The following OCIAD1 variants were observed in gnomAD, a reference collection of about 807,000 sequenced individuals.
OCIAD1 encodes OCIA domain containing 1.
In OCIAD1, 29 loss-of-function variants were observed where a neutral mutation model predicts 38.9. The observed-to-expected ratio is 0.74, with a 90% CI of 0.55 to 1.02. The LOEUF (loss-of-function observed/expected upper bound fraction) is 1.02. Ranked by LOEUF, OCIAD1 falls within the 50% of genes least tolerant of loss-of-function variation. OCIAD1 has a pLI of 0.00. For synonymous variants in OCIAD1, 110 were observed against 92.0 expected, an observed-to-expected ratio of 1.20 and a Z score of -1.12; for missense variants, 288 against 289.6, an observed-to-expected ratio of 0.99 and a Z score of 0.04.
chr4:48,834,279 C>T (rs1189478000), intron 3 of OCIAD1, among the ~76,000 whole-genome samples: 4 of 152,168 alleles, frequency 2.6e-5, no homozygotes, highest in Non-Finnish European at 5.9e-5. Context: ...TCAAGCGATT[C>T]TCCTGCCTCA....
At chr4:48,831,346 C>A in intron 1 of OCIAD1, 97 bp downstream of exon 1, 1 of 453,168 alleles carries the variant, frequency 2.2e-6, no homozygotes, top group Non-Finnish European at 4.1e-6. Flanking sequence ...CCGCCATTTT[C>A]CTGCCTGTGA....
intron 1 of OCIAD1, among the ~76,000 whole-genome samples, chr4:48,807,469 A>T (rs189390023): frequency 6.6e-6 from 1 of 152,330 alleles, no homozygotes; most frequent in Non-Finnish European, 1.5e-5. Context: ...TGAGGATAAT[A>T]GTACCAAGTA....
chr4:48,854,625 A>G (rs1311668368), intron 7 of OCIAD1, among the ~76,000 whole-genome samples: 2 of 152,234 alleles, frequency 1.3e-5, no homozygotes, highest in African/African-American at 4.8e-5. Context: ...CAGACTACTT[A>G]GCAAGGCCAT....
chr4:48,842,139 A>T (rs1778587797), intron 3 of OCIAD1, among the ~76,000 whole-genome samples: 1 of 152,234 alleles, frequency 6.6e-6, no homozygotes, highest in South Asian at 2.1e-4. Flanking sequence ...TTATCTTTAA[A>T]AGGGTGGTAA....
intron 1 of OCIAD1, among the ~76,000 whole-genome samples, chr4:48,809,908 A>C (rs936955441): frequency 6.6e-6 from 1 of 152,190 alleles, no homozygotes; most frequent in African/African-American, 2.4e-5. Context: ...GTACTTAACT[A>C]TATGAGTTCC....
chr4:48,817,109 G>C (rs1777150820), intron 1 of OCIAD1, among the ~76,000 whole-genome samples: 2 of 152,322 alleles, frequency 1.3e-5, no homozygotes, highest in East Asian at 1.9e-4. Context: ...CACTGGGACT[G>C]GTTAGGCAGT....
chr4:48,847,493 A>G (rs902296311), intron 4 of OCIAD1, among the ~76,000 whole-genome samples: 21 of 152,310 alleles, frequency 1.4e-4, no homozygotes, highest in African/African-American at 4.1e-4. Flanking sequence ...TACTCTAAGG[A>G]CACAAAGATG....
chr4:48,816,066 T>C (rs1248831135), intron 1 of OCIAD1, among the ~76,000 whole-genome samples: 1 of 152,226 alleles, frequency 6.6e-6, no homozygotes, highest in African/African-American at 2.4e-5. Context: ...CTGTCACAAA[T>C]GTATAAAGTG....
chr4:48,858,372 C>T (rs1007431814), intron 8 of OCIAD1, among the ~76,000 whole-genome samples: 6 of 152,170 alleles, frequency 3.9e-5, no homozygotes, highest in Non-Finnish European at 7.3e-5. Flanking sequence ...TGTAATACCA[C>T]TTGTGGCCTA....
chr4:48,857,584 A>G (rs1780169331), intron 8 of OCIAD1, among the ~76,000 whole-genome samples: 1 of 151,102 alleles, frequency 6.6e-6, no homozygotes, highest in African/African-American at 2.4e-5. Flanking sequence ...CAGTGGCACG[A>G]TCTTGGCTCA....
intron 1 of OCIAD1, among the ~76,000 whole-genome samples, chr4:48,818,889 G>A (rs777388419): frequency 2.4e-4 from 37 of 152,086 alleles, no homozygotes; most frequent in Middle Eastern, 3.4e-3. Flanking sequence ...ATAATGAAAA[G>A]GAATGAAAAA....
intron 1 of OCIAD1, among the ~76,000 whole-genome samples, chr4:48,805,774 GA>G (rs956362487): frequency 1.6e-4 from 24 of 151,878 alleles, no homozygotes; most frequent in Admixed American, 7.9e-4. Context: ...CAGTTGTTTA[GA>G]AAAAAAATTT....
At chr4:48,806,412 A>AT (rs1363230340) in intron 1 of OCIAD1, among the ~76,000 whole-genome samples, 19 of 151,368 alleles carry the variant, frequency 1.3e-4, no homozygotes, top group South Asian at 2.1e-4. Flanking sequence ...CACTTTTATG[A>AT]TTTTTTTTTC....
intron 1 of OCIAD1, among the ~76,000 whole-genome samples, chr4:48,821,306 A>T (rs1248081304): frequency 6.6e-6 from 1 of 152,240 alleles, no homozygotes; most frequent in Non-Finnish European, 1.5e-5. Context: ...GAACCACATG[A>T]TTATCTCAAT....
chr4:48,810,894 C>CTTTTTTT (rs869120091), intron 1 of OCIAD1, among the ~76,000 whole-genome samples: 3 of 64,236 alleles, frequency 4.7e-5, no homozygotes, highest in Admixed American at 1.3e-4. Flanking sequence ...TTCTTTCTTT[C>CTTTTTTT]TTTTTTTTTT....
intron 1 of OCIAD1, among the ~76,000 whole-genome samples, chr4:48,814,309 G>A (rs1777121924): frequency 1.3e-5 from 2 of 150,054 alleles, no homozygotes; most frequent in Non-Finnish European, 3.0e-5. Flanking sequence ...AGCAGAGTAT[G>A]GCTATTCAGA....
intron 1 of OCIAD1, among the ~76,000 whole-genome samples, chr4:48,811,298 T>C (rs1370173422): frequency 6.6e-6 from 1 of 152,218 alleles, no homozygotes; most frequent in Admixed American, 6.5e-5. Flanking sequence ...AGTGATCTTG[T>C]TAAAATCCAA....
intron 1 of OCIAD1, among the ~76,000 whole-genome samples, chr4:48,824,153 T>C (rs1007968589): frequency 1.8e-4 from 28 of 152,022 alleles, no homozygotes; most frequent in Admixed American, 6.6e-4. Flanking sequence ...TAATTTTTTG[T>C]ATTTTTTTGT....
At chr4:48,840,637 A>G (rs1183722801) in intron 3 of OCIAD1, among the ~76,000 whole-genome samples, 6 of 152,216 alleles carry the variant, frequency 3.9e-5, no homozygotes, top group Non-Finnish European at 8.8e-5. Flanking sequence ...ACCAGAGTTG[A>G]ACAAACTAGC....
Sources: allele counts gnomAD v4.1 joint callset (sites outside exome capture counted in the v4.1 genomes callset), GRCh38; gene constraint gnomAD v4.1.1; transcripts MANE v1.5; gene names NCBI Gene and HGNC (gene_info 2026-07-23, HGNC 2026-07-21).